Variants in MAGI1 observed in about 807,000 individuals in gnomAD.
The protein encoded by MAGI1 is membrane associated guanylate kinase, WW and PDZ domain containing 1.
In MAGI1, 58 loss-of-function variants were observed where a neutral mutation model predicts 139.9. The observed-to-expected ratio is 0.41, with a 90% confidence interval of 0.34 to 0.52. MAGI1 has a LOEUF of 0.52. MAGI1 is among the 20% of genes least tolerant of loss of function. The pLI is 0.12. For missense variants in MAGI1, 1,874 were observed against 1,901.6 expected, an observed-to-expected ratio of 0.99 and a Z score of 0.27; for synonymous variants, 812 against 737.9, an observed-to-expected ratio of 1.10 and a Z score of -1.63.
At position 66,004,744 on chromosome 3, in the gene MAGI1, A is replaced by G. The variant is rs72910962; in HGVS notation, c.313+33252T>C. On this transcript the variant is annotated intron_variant, in intron 1 of 22. Transcript: ENST00000402939. ...ACAAACCACTGATAGATGAAATCCC[A>G]TGAACAAGGTAAGTCCAAAAATTCT... Among the ~76,000 whole-genome samples the G allele has an allele frequency of 1.6e-3, 243 of 152,330 alleles. 1 individual carries two copies. The highest frequency in any genetic ancestry group is 5.6e-3 in the African/African-American group (231 of 41,574).
At chr3:65,798,001 C>G (rs2040256566) in intron 1 of MAGI1, among the ~76,000 whole-genome samples, 1 of 152,068 alleles carries the variant, frequency 6.6e-6, no homozygotes, top group Admixed American at 6.6e-5. Context: ...ATCTTCAATT[C>G]TTCACCTTAA....
chr3:65,536,222 C>T (rs999737794), intron 2 of MAGI1, among the ~76,000 whole-genome samples: 2 of 152,190 alleles, frequency 1.3e-5, no homozygotes, highest in African/African-American at 4.8e-5. Flanking sequence ...ATCACCCCTA[C>T]TAAGCTACAA....
chr3:65,495,988 G>A (rs1461540789), intron 2 of MAGI1, among the ~76,000 whole-genome samples: 1 of 152,126 alleles, frequency 6.6e-6, no homozygotes, highest in African/African-American at 2.4e-5. Flanking sequence ...TAAGGATAAT[G>A]GAATGTCATC....
chr3:65,796,503 C>G (rs180835813), intron 1 of MAGI1, among the ~76,000 whole-genome samples: 57 of 152,248 alleles, frequency 3.7e-4, no homozygotes, highest in African/African-American at 1.3e-3. Flanking sequence ...GGTCACTAAG[C>G]AGAAAATATG....
chr3:65,599,546 A>G (rs2082384299), intron 2 of MAGI1, among the ~76,000 whole-genome samples: 1 of 152,148 alleles, frequency 6.6e-6, no homozygotes, highest in Admixed American at 6.5e-5. Flanking sequence ...GTGACTGTAG[A>G]TAATTACTTG....
Position 65,375,840 on chromosome 3 carries a change from T to G in MAGI1, c.3101A>C (p.Asn1034Thr). 10 of 1,614,110 alleles carry G rather than the reference T, an allele frequency of 6.2e-6. No homozygotes were observed. Among genetic ancestry groups the G allele is most frequent in the Non-Finnish European group, 8.5e-6 (10 of 1,180,002 alleles). The change falls in exon 18 of 23, where the codon AAT (asparagine) becomes ACT (threonine). Residue 1034 changes from asparagine to threonine, a missense_variant. Physicochemically the swap from Asn to Thr is moderately conservative, Grantham distance 65. Around this residue, in one of 5 missense-constraint regions of MAGI1, gnomAD observed 653 missense variants for 644.5 expected, o/e 1.01. Coordinates refer to ENST00000402939, the MANE Select transcript of MAGI1 (RefSeq NM_001033057.2). ...GGATTTGTTGGTGATGGAACATCCATTTACTGCCAAGATCCGGTCTCCTAC... is the reference window on the plus strand; with the variant it reads ...GGATTTGTTGGTGATGGAACATCCAGTTACTGCCAAGATCCGGTCTCCTAC... ...LKVGDRILAV[N>T]GCSITNKSHS...
chr3:65,664,569 G>C (rs79548567), intron 1 of MAGI1, among the ~76,000 whole-genome samples: 1,932 of 152,296 alleles, frequency 0.013, 36 homozygotes, highest in African/African-American at 0.044. Flanking sequence ...TCCAGTTTCT[G>C]TGGAGAAAAA....
At chr3:65,374,597 C>T (rs996977366) in intron 18 of MAGI1, among the ~76,000 whole-genome samples, 2 of 152,098 alleles carry the variant, frequency 1.3e-5, no homozygotes, top group Non-Finnish European at 2.9e-5. Flanking sequence ...GGATTACAGG[C>T]GTGAGACACC....
intron 1 of MAGI1, among the ~76,000 whole-genome samples, chr3:65,805,326 C>A (rs1022312933): frequency 2.0e-5 from 3 of 152,122 alleles, no homozygotes; most frequent in African/African-American, 7.2e-5. Context: ...AGCCAACAAA[C>A]GTATGAAAAA....
chr3:65,953,833 G>A (rs1423207690), intron 1 of MAGI1, among the ~76,000 whole-genome samples: 1 of 152,172 alleles, frequency 6.6e-6, no homozygotes, highest in African/African-American at 2.4e-5. Flanking sequence ...CATTTATCTA[G>A]AAAGGCAATG....
intron 1 of MAGI1, among the ~76,000 whole-genome samples, chr3:66,001,069 G>A (rs1461517093): frequency 6.6e-6 from 1 of 152,194 alleles, no homozygotes; most frequent in Admixed American, 6.5e-5. Context: ...TCAAATAGGG[G>A]AGACAGAAAG....
chr3:65,449,604 G>T (rs1042525524), intron 6 of MAGI1, among the ~76,000 whole-genome samples: 2 of 151,920 alleles, frequency 1.3e-5, no homozygotes, highest in African/African-American at 4.8e-5. Context: ...GTGAAACCCC[G>T]ACTCTATTAA....
intron 2 of MAGI1, among the ~76,000 whole-genome samples, 164 bp downstream of exon 2, chr3:65,621,808 C>T (rs548136135): frequency 1.7e-4 from 26 of 152,154 alleles, no homozygotes; most frequent in Non-Finnish European, 2.8e-4. Flanking sequence ...AGGCACACCA[C>T]GACACTGTTA....
At position 66,028,976 on chromosome 3, in the gene MAGI1, T is replaced by C. The variant is rs193047235; in HGVS notation, c.313+9020A>G. Among the ~76,000 whole-genome samples, 169 of 152,346 alleles carry C rather than the reference T, an allele frequency of 1.1e-3. 1 individual carries two copies. In the Middle Eastern group the frequency reaches 0.014, roughly 12 times the overall value. On this transcript the variant is annotated intron_variant, in intron 1 of 22. Transcript: ENST00000402939. Reference sequence around the variant, plus strand: ...AACAATTACAGAAGCCAACATTTATTGAGCACTCACTATGTGCCAAGCCCT... The same window carrying C: ...AACAATTACAGAAGCCAACATTTATCGAGCACTCACTATGTGCCAAGCCCT...
chr3:66,009,442 C>T (rs1381496269), intron 1 of MAGI1, among the ~76,000 whole-genome samples: 4 of 151,916 alleles, frequency 2.6e-5, no homozygotes, highest in Non-Finnish European at 4.4e-5. Context: ...CCCCAGAGAC[C>T]GAGGTTGCAG....
chr3:65,407,180 C>T (rs1945405464), intron 12 of MAGI1, among the ~76,000 whole-genome samples: 1 of 152,144 alleles, frequency 6.6e-6, no homozygotes, highest in African/African-American at 2.4e-5. Flanking sequence ...GGCGCGGAGG[C>T]TCATTCCTGT....
chr3:66,036,323 T>C (rs2068916534), intron 1 of MAGI1, among the ~76,000 whole-genome samples: 1 of 152,192 alleles, frequency 6.6e-6, no homozygotes, highest in Admixed American at 6.5e-5. Context: ...GAAGACGCAT[T>C]GTCAGGCCAG....
chr3:66,024,900 G>C (rs2068165064), intron 1 of MAGI1, among the ~76,000 whole-genome samples: 1 of 152,188 alleles, frequency 6.6e-6, no homozygotes, highest in Non-Finnish European at 1.5e-5. Flanking sequence ...ATCTTTACAA[G>C]TGAGATAAGT....
chr3:65,726,912 G>A (rs1414478678), intron 1 of MAGI1, among the ~76,000 whole-genome samples: 1 of 143,944 alleles, frequency 6.9e-6, no homozygotes, highest in Non-Finnish European at 1.5e-5. Context: ...AACAGGTTGA[G>A]TATCCCTAAT....
Sources: allele counts gnomAD v4.1 joint callset (sites outside exome capture counted in the v4.1 genomes callset), GRCh38; gene constraint gnomAD v4.1.1; regional missense constraint gnomAD v4.1.1; transcripts MANE v1.5; gene names NCBI Gene and HGNC (gene_info 2026-07-23, HGNC 2026-07-21).